HHAT: variants seen among roughly 807,000 people sequenced by gnomAD.
HHAT encodes hedgehog acyltransferase.
In HHAT, 47 loss-of-function variants were observed where a neutral mutation model predicts 70.8. The observed-to-expected ratio is 0.66, with a 90% CI of 0.53 to 0.85. The LOEUF is 0.85. Ranked by LOEUF, HHAT falls within the 40% of genes least tolerant of loss-of-function variation. The pLI is 0.00. For missense variants in HHAT, 609 were observed against 604.8 expected (o/e 1.01, Z -0.07); for synonymous variants, 228 against 247.6 (o/e 0.92, Z 0.74).
intron 3 of HHAT, among the ~76,000 whole-genome samples, chr1:210,363,417 A>T (rs1239456096): frequency 6.6e-6 from 1 of 152,190 alleles, no homozygotes; most frequent in African/African-American, 2.4e-5. Flanking sequence ...CTACTTTGGT[A>T]GCAGGCAGAG....
intron 3 of HHAT, among the ~76,000 whole-genome samples, chr1:210,377,897 G>C (rs2090349080): frequency 6.6e-6 from 1 of 152,198 alleles, no homozygotes; most frequent in Admixed American, 6.5e-5. Flanking sequence ...CTATGCAGGA[G>C]GGTGAAGATG....
intron 7 of HHAT, among the ~76,000 whole-genome samples, chr1:210,452,315 G>T (rs1262677025): frequency 6.6e-6 from 1 of 152,232 alleles, no homozygotes; most frequent in Non-Finnish European, 1.5e-5. Flanking sequence ...CCCTGCACAT[G>T]CATTCAATTG....
rs998669839 is a variant in HHAT, at chr1:210,362,842, T to A, written c.92-10T>A. The A allele has an allele frequency of 6.2e-7, 1 of 1,613,060 alleles. No individual in the cohort carries two copies. The highest frequency in any genetic ancestry group is 1.7e-4 in the Middle Eastern group (1 of 6,060). On this transcript the variant is annotated splice_polypyrimidine_tract_variant and intron_variant, in intron 2 of 11. Transcript: ENST00000261458. ...TTTGTGACTAACGAAGACTTTTTTTTTTTGGTCAGAACACGAAGAGGAGCT... is the reference window on the plus strand; with the variant it reads ...TTTGTGACTAACGAAGACTTTTTTTATTTGGTCAGAACACGAAGAGGAGCT...
At chr1:210,379,348 A>C (rs771713881) in intron 3 of HHAT, among the ~76,000 whole-genome samples, 26 of 152,216 alleles carry the variant, frequency 1.7e-4, no homozygotes, top group Non-Finnish European at 2.4e-4. Flanking sequence ...GCTACAGGGA[A>C]TTCTGGGATA....
At chr1:210,517,315 T>G (rs897230461) in intron 9 of HHAT, among the ~76,000 whole-genome samples, 1 of 152,184 alleles carries the variant, frequency 6.6e-6, no homozygotes, top group Non-Finnish European at 1.5e-5. Flanking sequence ...TGAATAGATA[T>G]GGGGTTTTGC....
chr1:210,635,629 G>A (rs1671735043), intron 11 of HHAT, among the ~76,000 whole-genome samples: 2 of 152,280 alleles, frequency 1.3e-5, no homozygotes, highest in South Asian at 4.1e-4. Context: ...TAGGGAATCT[G>A]TTAAGTCTTC....
chr1:210,418,719 G>T (rs1016146069), intron 7 of HHAT, among the ~76,000 whole-genome samples: 2 of 152,110 alleles, frequency 1.3e-5, no homozygotes, highest in African/African-American at 4.8e-5. Context: ...AGTCTTCCTT[G>T]TTCTTTGTGC....
At chr1:210,548,078 A>G (rs557727984) in intron 9 of HHAT, among the ~76,000 whole-genome samples, 25 of 152,214 alleles carry the variant, frequency 1.6e-4, no homozygotes, top group Non-Finnish European at 3.1e-4. Context: ...ATACCCGACT[A>G]TAGTCACTGA....
chr1:210,403,523 TCTC>T, intron 5 of HHAT, among the ~76,000 whole-genome samples: 1 of 152,312 alleles, frequency 6.6e-6, no homozygotes, highest in Non-Finnish European at 1.5e-5. Context: ...CACATGTGGT[TCTC>T]CTGATATGAT....
chr1:210,517,185 A>G (rs1346712733), intron 9 of HHAT, among the ~76,000 whole-genome samples: 4 of 152,232 alleles, frequency 2.6e-5, no homozygotes, highest in Non-Finnish European at 5.9e-5. Context: ...TTCATTATAG[A>G]TAACAGGGTG....
At chr1:210,589,942 A>G (rs1458075202) in intron 10 of HHAT, 2 of 152,228 alleles carry the variant, frequency 1.3e-5, no homozygotes, top group African/African-American at 4.8e-5. Context: ...TGTTGCAAGT[A>G]TGATGTTTGG....
chr1:210,568,734 C>T (rs1306340430), intron 9 of HHAT, among the ~76,000 whole-genome samples: 1 of 152,080 alleles, frequency 6.6e-6, no homozygotes, highest in Non-Finnish European at 1.5e-5. Context: ...TCAGTGTAGG[C>T]CCTGTGCAAA....
chr1:210,567,942 A>G (rs566848109), intron 9 of HHAT, among the ~76,000 whole-genome samples: 1 of 152,324 alleles, frequency 6.6e-6, no homozygotes, highest in East Asian at 1.9e-4. Flanking sequence ...TACAACTCCT[A>G]AAATCCTTGG....
chr1:210,613,307 G>A (rs547583408), intron 10 of HHAT, among the ~76,000 whole-genome samples: 4 of 152,186 alleles, frequency 2.6e-5, no homozygotes, highest in South Asian at 2.1e-4. Context: ...GTCCAGTTTC[G>A]TTCTTTTGCA....
intron 8 of HHAT, among the ~76,000 whole-genome samples, chr1:210,494,018 G>A (rs1159991554): frequency 6.6e-6 from 1 of 152,172 alleles, no homozygotes; most frequent in Non-Finnish European, 1.5e-5. Context: ...TTCTTCTATT[G>A]AAGCAGATAA....
intron 9 of HHAT, among the ~76,000 whole-genome samples, chr1:210,583,947 AT>A (rs371722219): frequency 0.073 from 6,485 of 88,500 alleles, 196 homozygotes; most frequent in African/African-American, 0.17. Context: ...AGTGCAGCTA[AT>A]TTTTTTTTTT....
intron 8 of HHAT, among the ~76,000 whole-genome samples, chr1:210,475,380 T>C (rs549263472): frequency 6.6e-6 from 1 of 152,314 alleles, no homozygotes; most frequent in East Asian, 1.9e-4. Flanking sequence ...GCCTCCTCCT[T>C]CACTCTGCCT....
At chr1:210,559,738 A>G (rs1469447133) in intron 9 of HHAT, among the ~76,000 whole-genome samples, 2 of 151,552 alleles carry the variant, frequency 1.3e-5, no homozygotes, top group Admixed American at 1.3e-4. Flanking sequence ...TGGCTGCTCT[A>G]TGGATGAGTG....
rs2093895379 is a variant in HHAT, at chr1:210,457,537, C to A, written c.857-6968C>A. On this transcript the variant is annotated intron_variant, in intron 7 of 11. Coordinates refer to ENST00000261458, the MANE Select transcript of HHAT (RefSeq NM_018194.6). ...CGCAGATAGAGCATGCTTCCTGAAG[C>A]TGAGGGAATTGGGAGCCAGTGCCTG... 1.3e-5 allele frequency among the ~76,000 whole-genome samples: 2 copies of A among 152,082 alleles called. 1 individual carries two copies. Among genetic ancestry groups the A allele is most frequent in the South Asian group, 4.2e-4 (2 of 4,818 alleles).
Sources: gnomAD v4.1 joint callset for allele counts (sites outside exome capture counted in the v4.1 genomes callset) on GRCh38, gnomAD v4.1.1 for gene constraint, MANE v1.5 for transcripts, NCBI Gene and HGNC (gene_info 2026-07-23, HGNC 2026-07-21) for gene names.